Variants in BMPR2 observed in about 807,000 individuals in gnomAD.
BMPR2 encodes bone morphogenetic protein receptor type 2.
BMPR2 carries 29 observed loss-of-function variants against 100.8 expected under a neutral mutation model. The observed-to-expected ratio is 0.29, with a 90% confidence interval of 0.21 to 0.39. BMPR2 has a LOEUF of 0.39. BMPR2 is among the 10% of genes least tolerant of loss of function. The pLI is 1.00. For missense variants in BMPR2, 1,011 were observed against 1,274.5 expected, an observed-to-expected ratio of 0.79 and a Z score of 3.15; for synonymous variants, 382 against 442.3, an observed-to-expected ratio of 0.86 and a Z score of 1.71.
chr2:202,500,820 C>T (rs939907872), intron 3 of BMPR2, among the ~76,000 whole-genome samples: 46 of 152,306 alleles, frequency 3.0e-4, no homozygotes, highest in African/African-American at 1.1e-3. Flanking sequence ...GAATGGTTCA[C>T]GGTTCTGGAC....
rs559295078 is a variant in BMPR2, at chr2:202,563,310, G to C, written c.*3364G>C. 1 of 152,080 alleles carries C rather than the reference G, an allele frequency of 6.6e-6. No homozygotes were observed. Among genetic ancestry groups the C allele is most frequent in the African/African-American group, 2.4e-5 (1 of 41,404 alleles). The allele number at this position is 152,080 out of a possible 1,614,324, so 9.4% of individuals were successfully genotyped here. A position where few individuals can be genotyped will look rare whatever the true frequency, so the allele number is the denominator to read the frequency against. On this transcript the variant is annotated 3_prime_UTR_variant, in exon 13 of 13. Transcript: ENST00000374580. ...AAATTAACTGAGCGTGGTGGTGGGC[G>C]CCTGTAGTCCCAGCTACTCAGGAGG...
Position 202,377,376 on chromosome 2 carries a change from C to A in BMPR2, c.-99C>A. 9.0e-7 allele frequency: 1 copy of A among 1,111,084 alleles called. No individual in the cohort carries two copies. The highest frequency in any genetic ancestry group is 1.4e-6 in the Non-Finnish European group (1 of 720,842). The allele number at this position is 1,111,084 out of a possible 1,614,324, so 68.8% of individuals were successfully genotyped here. On this transcript the variant is annotated 5_prime_UTR_variant, in exon 1 of 13. Coordinates refer to ENST00000374580, the MANE Select transcript of BMPR2 (RefSeq NM_001204.7). ...AACTGTATTGTGATACGGGCAGGAT[C>A]AGTCCACGGGAGAGAAGACGAGCCT...
At chr2:202,554,247 CCT>C (rs1238918696) in intron 11 of BMPR2, among the ~76,000 whole-genome samples, 2 of 152,042 alleles carry the variant, frequency 1.3e-5, no homozygotes, top group African/African-American at 4.8e-5. Context: ...GATGTTTTTA[CCT>C]CTCTCAAAAG....
intron 1 of BMPR2, among the ~76,000 whole-genome samples, chr2:202,402,830 A>ATT (rs752558128): frequency 3.6e-5 from 5 of 138,908 alleles, no homozygotes; most frequent in African/African-American, 1.1e-4. Flanking sequence ...TGTGTTGCTA[A>ATT]TTTTTTTTTT....
chr2:202,538,650 C>T (rs371037986), intron 9 of BMPR2, among the ~76,000 whole-genome samples: 3 of 151,610 alleles, frequency 2.0e-5, no homozygotes, highest in East Asian at 3.9e-4. Flanking sequence ...AAAAATTAGC[C>T]GGGCTTGGTT....
At chr2:202,511,945 T>G (rs1367482213) in intron 3 of BMPR2, among the ~76,000 whole-genome samples, 1 of 151,626 alleles carries the variant, frequency 6.6e-6, no homozygotes, top group Non-Finnish European at 1.5e-5. Context: ...TGCTTGAGTC[T>G]GGGATGTGGA....
intron 1 of BMPR2, among the ~76,000 whole-genome samples, chr2:202,419,260 T>G (rs866218440): frequency 3.3e-5 from 5 of 152,260 alleles, no homozygotes; most frequent in African/African-American, 1.2e-4. Context: ...AGCGATTCAC[T>G]TATTTAAAAT....
rs1177794878 is a variant in BMPR2 at position 202,556,155 on chromosome 2, A to G, written c.2490A>G (p.Val830=). 3 of 1,612,614 alleles carry G rather than the reference A, an allele frequency of 1.9e-6. No individual in the cohort carries two copies. The highest frequency in any genetic ancestry group is 2.5e-6 in the Non-Finnish European group (3 of 1,178,654). The change falls in exon 12 of 13, where the codon GTA becomes GTG. Residue 830 remains valine, a synonymous_variant. Transcript: ENST00000374580. ...AATTQYANGT[V]LSGQTTNIVT... is the part of the protein sequence containing the mutation. Reference sequence around the variant, plus strand: ...CAACCCAATATGCCAATGGGACAGTACTATCTGGCCAAACAACCAACATAG... The same window carrying G: ...CAACCCAATATGCCAATGGGACAGTGCTATCTGGCCAAACAACCAACATAG...
chr2:202,447,064 T>A (rs936395898), intron 1 of BMPR2, among the ~76,000 whole-genome samples: 1 of 149,316 alleles, frequency 6.7e-6, no homozygotes, highest in South Asian at 2.1e-4. Context: ...TCCCAGCACT[T>A]TGGGAGGCCG....
At chr2:202,456,811 A>C (rs575768736) in intron 1 of BMPR2, among the ~76,000 whole-genome samples, 18 of 152,260 alleles carry the variant, frequency 1.2e-4, no homozygotes, top group African/African-American at 4.1e-4. Context: ...CACTGTGTCC[A>C]GACTGTATAG....
At chr2:202,411,649 C>T (rs1227968366) in intron 1 of BMPR2, among the ~76,000 whole-genome samples, 1 of 152,056 alleles carries the variant, frequency 6.6e-6, no homozygotes, top group Admixed American at 6.6e-5. Flanking sequence ...AAACTCAGCC[C>T]AAAACAGTGG....
chr2:202,486,266 C>T (rs779922280), intron 3 of BMPR2, among the ~76,000 whole-genome samples: 1 of 152,172 alleles, frequency 6.6e-6, no homozygotes, highest in African/African-American at 2.4e-5. Flanking sequence ...ATTAGTGTCT[C>T]TCTTTTGAAA....
chr2:202,396,575 A>G (rs568845407), intron 1 of BMPR2, among the ~76,000 whole-genome samples: 1 of 152,320 alleles, frequency 6.6e-6, no homozygotes, highest in Non-Finnish European at 1.5e-5. Context: ...GCTGCAAAAA[A>G]GTCAGGTAAG....
chr2:202,430,709 C>T (rs541678542), intron 1 of BMPR2, among the ~76,000 whole-genome samples: 1 of 151,730 alleles, frequency 6.6e-6, no homozygotes, highest in Non-Finnish European at 1.5e-5. Flanking sequence ...CCTGTAATCC[C>T]AGCACTTTGG....
intron 3 of BMPR2, among the ~76,000 whole-genome samples, chr2:202,471,225 A>T (rs1353663821): frequency 2.0e-5 from 3 of 152,232 alleles, no homozygotes; most frequent in African/African-American, 7.2e-5. Flanking sequence ...AAGGAAAATG[A>T]ATCATGAGTA....
chr2:202,429,080 C>G (rs896741608), intron 1 of BMPR2, among the ~76,000 whole-genome samples: 7 of 152,120 alleles, frequency 4.6e-5, no homozygotes, highest in African/African-American at 1.7e-4. Flanking sequence ...GAATCTATTC[C>G]TTTCTTGTTT....
intron 1 of BMPR2, among the ~76,000 whole-genome samples, chr2:202,452,646 T>C (rs1692012501): frequency 6.6e-6 from 1 of 152,160 alleles, no homozygotes; most frequent in African/African-American, 2.4e-5. Context: ...TAGTTCTTGT[T>C]AGTGGCAAAA....
intron 3 of BMPR2, among the ~76,000 whole-genome samples, chr2:202,499,622 C>A (rs939368003): frequency 6.6e-5 from 10 of 152,176 alleles, no homozygotes; most frequent in African/African-American, 2.4e-4. Context: ...AAAATATACT[C>A]CCCTGTCACC....
At chr2:202,428,181 A>C (rs933426523) in intron 1 of BMPR2, among the ~76,000 whole-genome samples, 2 of 152,126 alleles carry the variant, frequency 1.3e-5, no homozygotes, top group Non-Finnish European at 2.9e-5. Flanking sequence ...ATATTCTACT[A>C]TGCTAACTTT....
Sources: gnomAD v4.1 joint callset for allele counts (sites outside exome capture counted in the v4.1 genomes callset) on GRCh38, gnomAD v4.1.1 for gene constraint, MANE v1.5 for transcripts, NCBI Gene and HGNC (gene_info 2026-07-23, HGNC 2026-07-21) for gene names.